The following EDAR variants were observed in gnomAD, a reference collection of about 807,000 sequenced individuals.
EDAR encodes ectodysplasin A receptor.
In EDAR, 38 loss-of-function variants were observed where a neutral mutation model predicts 51.3. The ratio of observed to expected loss-of-function variants is 0.74; its 90% CI spans 0.57 to 0.97. The LOEUF (loss-of-function observed/expected upper bound fraction) is 0.97, where lower values mean the gene tolerates loss of function less well. Among genes scored for constraint, EDAR ranks in the 50% least tolerant of loss-of-function variants. EDAR has a pLI of 0.00. For missense variants in EDAR, 528 were observed against 595.0 expected (o/e 0.89, Z 1.17); for synonymous variants, 227 against 242.1 (o/e 0.94, Z 0.58).
chr2:108,964,385 C>T (rs139165983), intron 1 of EDAR, among the ~76,000 whole-genome samples: 4 of 152,258 alleles, frequency 2.6e-5, no homozygotes, highest in Admixed American at 2.0e-4. Context: ...AGCAGTCCCA[C>T]TAACAGGGAA....
intron 1 of EDAR, among the ~76,000 whole-genome samples, chr2:108,944,679 C>T (rs1432492426): frequency 6.6e-6 from 1 of 152,102 alleles, no homozygotes; most frequent in Non-Finnish European, 1.5e-5. Flanking sequence ...CAAGGAGAGG[C>T]CCTGGGTCCT....
chr2:108,984,265 C>T (rs374152830), intron 1 of EDAR, among the ~76,000 whole-genome samples: 1 of 152,212 alleles, frequency 6.6e-6, no homozygotes, highest in African/African-American at 2.4e-5. Flanking sequence ...TACTTGGAGA[C>T]CCAGCTCCTT....
chr2:108,966,740 A>G (rs1318426602), intron 1 of EDAR, among the ~76,000 whole-genome samples: 2 of 152,232 alleles, frequency 1.3e-5, no homozygotes, highest in African/African-American at 4.8e-5. Flanking sequence ...CTGAGCCCAC[A>G]TGGCCTGCTG....
intron 1 of EDAR, among the ~76,000 whole-genome samples, chr2:108,955,490 GT>G (rs1431799076): frequency 6.6e-6 from 1 of 152,200 alleles, no homozygotes; most frequent in African/African-American, 2.4e-5. Flanking sequence ...GCTCACACCT[GT>G]AATCCTAGCA....
At chr2:108,903,948 G>A (rs1232280127) in intron 11 of EDAR, among the ~76,000 whole-genome samples, 1 of 152,006 alleles carries the variant, frequency 6.6e-6, no homozygotes, top group Non-Finnish European at 1.5e-5. Flanking sequence ...TTTATAATTA[G>A]TTTCATAAAT....
chr2:108,958,573 G>A (rs388139), intron 1 of EDAR, among the ~76,000 whole-genome samples: 39,409 of 152,030 alleles, frequency 0.26, 9,498 homozygotes, highest in East Asian at 0.94. Flanking sequence ...GCAGAAGGAC[G>A]GTGGGAGGGC....
intron 1 of EDAR, among the ~76,000 whole-genome samples, chr2:108,954,678 CT>C (rs796351382): frequency 7.3e-4 from 107 of 146,772 alleles, no homozygotes; most frequent in Non-Finnish European, 1.1e-3. Flanking sequence ...GGAAGATAAT[CT>C]TTTTTTTTTT....
chr2:108,956,697 T>C (rs17034667), intron 1 of EDAR, among the ~76,000 whole-genome samples: 4,495 of 152,308 alleles, frequency 0.03, 138 homozygotes, highest in African/African-American at 0.078. Flanking sequence ...ATTTGGGTTA[T>C]GATTCATTTT....
chr2:108,961,335 A>G (rs560115489), intron 1 of EDAR, among the ~76,000 whole-genome samples: 2 of 152,280 alleles, frequency 1.3e-5, no homozygotes, highest in African/African-American at 2.4e-5. Context: ...CCCAGGACCC[A>G]CCAGTCTAGG....
intron 1 of EDAR, among the ~76,000 whole-genome samples, chr2:108,986,035 G>T (rs1698491856): frequency 6.6e-6 from 1 of 152,090 alleles, no homozygotes; most frequent in Non-Finnish European, 1.5e-5. Flanking sequence ...ACTGTACAGG[G>T]TCAGCTATCC....
chr2:108,983,990 G>T (rs1368399765), intron 1 of EDAR, among the ~76,000 whole-genome samples: 1 of 152,234 alleles, frequency 6.6e-6, no homozygotes, highest in African/African-American at 2.4e-5. Context: ...CTGCAAGGGG[G>T]GCGACGGCGA....
chr2:108,981,214 C>T (rs978151578), intron 1 of EDAR, among the ~76,000 whole-genome samples: 3 of 152,288 alleles, frequency 2.0e-5, no homozygotes, highest in South Asian at 4.1e-4. Context: ...ACCACCAGCA[C>T]GGGAAGGGGC....
intron 10 of EDAR, among the ~76,000 whole-genome samples, chr2:108,907,250 G>A (rs990100838): frequency 3.3e-5 from 5 of 152,190 alleles, no homozygotes; most frequent in Admixed American, 6.5e-5. Context: ...ATAAAACCCC[G>A]TATATTTACA....
chr2:108,977,491 C>T (rs965233083), intron 1 of EDAR, among the ~76,000 whole-genome samples: 5 of 152,106 alleles, frequency 3.3e-5, no homozygotes, highest in Admixed American at 1.3e-4. Flanking sequence ...AGGATGGTCT[C>T]GATCTCCTGA....
chr2:108,940,121 A>G (rs1028641342), intron 1 of EDAR: 2 of 152,276 alleles, frequency 1.3e-5, no homozygotes, highest in African/African-American at 4.8e-5. Context: ...TGAACCATTT[A>G]TTGGCACCAG....
chr2:108,916,517 C>T (rs755974), intron 5 of EDAR, among the ~76,000 whole-genome samples: 6,444 of 152,214 alleles, frequency 0.042, 455 homozygotes, highest in African/African-American at 0.15. Flanking sequence ...CCACAGGCGC[C>T]CACCTGCCCT....
chr2:108,958,356 G>T (rs1697964385), intron 1 of EDAR, among the ~76,000 whole-genome samples: 2 of 151,986 alleles, frequency 1.3e-5, no homozygotes, highest in Non-Finnish European at 1.5e-5. Flanking sequence ...TAAATACACA[G>T]GGAATTGCTA....
chr2:108,972,757 A>G (rs1298168356), intron 1 of EDAR, among the ~76,000 whole-genome samples: 1 of 152,204 alleles, frequency 6.6e-6, no homozygotes, highest in Non-Finnish European at 1.5e-5. Flanking sequence ...CAGCCCATGC[A>G]GATGCTGAGA....
intron 5 of EDAR, 85 bp from the exon 6 acceptor site, chr2:108,912,849 A>G (rs1008430303): frequency 1.3e-5 from 15 of 1,130,394 alleles, no homozygotes; most frequent in Non-Finnish European, 1.6e-5. Flanking sequence ...ATCTGGATTC[A>G]TGATCATGAA....
Sources: gnomAD v4.1 joint callset for allele counts (sites outside exome capture counted in the v4.1 genomes callset) on GRCh38, gnomAD v4.1.1 for gene constraint, MANE v1.5 for transcripts, NCBI Gene and HGNC (gene_info 2026-07-23, HGNC 2026-07-21) for gene names.